DCHS2: variants seen among roughly 807,000 people sequenced by gnomAD.
DCHS2 encodes the protein dachsous cadherin-related 2, also known as protocadherin-23.
Under a neutral mutation model 182.4 loss-of-function variants are expected in DCHS2, and 142 were observed. The observed-to-expected ratio is 0.78, with a 90% CI of 0.68 to 0.89. The LOEUF (loss-of-function observed/expected upper bound fraction) is 0.89. DCHS2 is among the 40% of genes least tolerant of loss of function. The pLI is 0.00. For missense variants in DCHS2, 4,319 were observed against 4,198.6 expected, an observed-to-expected ratio of 1.03 and a Z score of -0.79; for synonymous variants, 1,740 against 1,663.3, an observed-to-expected ratio of 1.05 and a Z score of -1.12.
chr4:154,256,513 C>G (rs1732676355), intron 15 of DCHS2, among the ~76,000 whole-genome samples: 1 of 124,054 alleles, frequency 8.1e-6, no homozygotes, highest in Non-Finnish European at 1.8e-5. Context: ...AGATCCTAAT[C>G]ATGTATTTGA....
At chr4:154,479,074 G>T (rs1196282644) in intron 1 of DCHS2, among the ~76,000 whole-genome samples, 1 of 152,062 alleles carries the variant, frequency 6.6e-6, no homozygotes, top group Admixed American at 6.5e-5. Flanking sequence ...ATGAGGTAAA[G>T]GAAGACACTC....
chr4:154,236,529 T>C lies in DCHS2; in HGVS notation c.8123A>G (p.Asn2708Ser). The change falls in exon 20 of 20, where the codon AAT becomes AGT. Residue 2708 changes from asparagine (N) to serine (S), a missense_variant. By Grantham distance (46) the Asn-to-Ser change is conservative. Transcript: ENST00000357232. ...AEIIYNIISGNEKGHFYLEEN... is the reference protein window; with the variant it reads ...AEIIYNIISGSEKGHFYLEEN... Reference sequence around the variant, plus strand: ...TTCTAAGTAAAAATGTCCCTTCTCATTTCCAGAGATGATGTTGTAGATGAT... The same window carrying C: ...TTCTAAGTAAAAATGTCCCTTCTCACTTCCAGAGATGATGTTGTAGATGAT... The C allele has an allele frequency of 6.2e-7, 1 of 1,614,004 alleles. No homozygotes were observed. Among genetic ancestry groups the C allele is most frequent in the African/African-American group, 1.3e-5 (1 of 75,046 alleles).
rs141160700 is a variant in DCHS2 at position 154,382,803 on chromosome 4, T to C, written c.2053-5359A>G. 2.2e-3 allele frequency among the ~76,000 whole-genome samples: 328 copies of C among 152,236 alleles called. 2 individuals are homozygous for C. The highest frequency in any genetic ancestry group is 7.7e-3 in the African/African-American group (319 of 41,552). On this transcript the variant is annotated intron_variant, in intron 1 of 19. Transcript: ENST00000357232. ...AAATCAATACCACAATGAGATGTCA[T>C]CTTGCACCAGTCAGAATAGCTATTA...
At chr4:154,243,602 G>T (rs963533883) in intron 16 of DCHS2, among the ~76,000 whole-genome samples, 1 of 152,082 alleles carries the variant, frequency 6.6e-6, no homozygotes, top group Admixed American at 6.6e-5. Context: ...TGCTTTGTCT[G>T]GGAGTGAAGA....
At chr4:154,352,377 CG>C (rs1729661868) in intron 3 of DCHS2, 1 of 152,072 alleles carries the variant, frequency 6.6e-6, no homozygotes, top group South Asian at 2.1e-4. Context: ...CCCCTCTAAT[CG>C]CAGAAGGTGT....
chr4:154,470,394 A>C (rs1377134893), intron 1 of DCHS2, among the ~76,000 whole-genome samples: 5 of 151,998 alleles, frequency 3.3e-5, no homozygotes, highest in Non-Finnish European at 4.4e-5. Context: ...TGGCTGAGGC[A>C]GGAGGATCAC....
intron 1 of DCHS2, among the ~76,000 whole-genome samples, chr4:154,481,561 G>A (rs1032276398): frequency 6.6e-6 from 1 of 152,092 alleles, no homozygotes; most frequent in African/African-American, 2.4e-5. Context: ...CCAGCCTGAC[G>A]TTTCTTTTTC....
chr4:154,292,000 C>A (rs1375494115), intron 13 of DCHS2, among the ~76,000 whole-genome samples: 1 of 152,116 alleles, frequency 6.6e-6, no homozygotes, highest in Non-Finnish European at 1.5e-5. Context: ...GAGATGGATA[C>A]TCCATTTAGC....
intron 10 of DCHS2, among the ~76,000 whole-genome samples, chr4:154,310,878 T>TGGC (rs1388817027): frequency 4.6e-5 from 7 of 152,192 alleles, no homozygotes; most frequent in Non-Finnish European, 8.8e-5. Flanking sequence ...GACTAGGGAT[T>TGGC]GGCAAACTAC....
chr4:154,471,379 C>T (rs915711119), intron 1 of DCHS2, among the ~76,000 whole-genome samples: 23 of 152,162 alleles, frequency 1.5e-4, no homozygotes, highest in Admixed American at 2.0e-4. Context: ...TGATAATACC[C>T]TTTTCATATC....
intron 12 of DCHS2, 90 bp downstream of exon 12, chr4:154,304,578 GC>G: frequency 8.6e-7 from 1 of 1,164,588 alleles, no homozygotes; most frequent in East Asian, 2.5e-5. Context: ...GTTGCAGTGA[GC>G]CATCGCGCCA....
intron 10 of DCHS2, 33 bp from the exon 11 acceptor site, chr4:154,305,264 C>T: frequency 6.3e-7 from 1 of 1,592,398 alleles, no homozygotes. Context: ...ACTTAGCAAT[C>T]ATTTCTTTGA....
At chr4:154,344,056 A>G (rs1729242046) in intron 3 of DCHS2, among the ~76,000 whole-genome samples, 1 of 152,046 alleles carries the variant, frequency 6.6e-6, no homozygotes, top group Non-Finnish European at 1.5e-5. Context: ...AGAGAGAGAG[A>G]GACGGGAAAC....
chr4:154,486,493 T>G, intron 1 of DCHS2: 1 of 1,304,844 alleles, frequency 7.7e-7, no homozygotes, highest in Non-Finnish European at 1.0e-6. Flanking sequence ...TGTTTGATTT[T>G]GACAAAGGCA....
Position 154,329,681 on chromosome 4 carries a change from G to C in DCHS2, c.3760C>G (p.Arg1254Gly), listed in dbSNP as rs770120703. The C allele has an allele frequency of 6.2e-7, 1 of 1,611,984 alleles. No homozygotes were observed. The highest frequency in any genetic ancestry group is 1.1e-5 in the South Asian group (1 of 90,986). Residue 1254 changes from arginine to glycine, a missense_variant, in exon 6 of 20, where the codon CGT becomes GGT. Arg to Gly is a moderately radical substitution (Grantham distance 125). Coordinates refer to ENST00000357232, the MANE Select transcript of DCHS2 (RefSeq NM_001358235.2). Reference sequence around the variant, plus strand: ...ATCTCATGGTGCCCCCGGTGCTCACGATCCAGTGCCACCCAATTGATTAAC... The same window carrying C: ...ATCTCATGGTGCCCCCGGTGCTCACCATCCAGTGCCACCCAATTGATTAAC... ...GELINWVALD[R>G]EHRGHHEMTV... is the part of the protein sequence containing the mutation.
chr4:154,312,725 T>G (rs1210131507), intron 10 of DCHS2, among the ~76,000 whole-genome samples: 4 of 152,194 alleles, frequency 2.6e-5, no homozygotes, highest in Non-Finnish European at 5.9e-5. Flanking sequence ...TCCACTCGAA[T>G]GAGAAATTGT....
At chr4:154,461,155 C>T (rs1473818555) in intron 1 of DCHS2, among the ~76,000 whole-genome samples, 1 of 152,136 alleles carries the variant, frequency 6.6e-6, no homozygotes, top group African/African-American at 2.4e-5. Context: ...AGGCCCTGAC[C>T]CATACTAAGC....
chr4:154,297,708 A>G, intron 13 of DCHS2, 143 bp downstream of exon 13: 2 of 1,342,862 alleles, frequency 1.5e-6, no homozygotes, highest in Non-Finnish European at 2.0e-6. Context: ...CCACTTAACC[A>G]TGTTTATTCC....
In DCHS2 at chr4:154,235,516, C is replaced by T. The variant is rs903090049; in HGVS notation, c.9136G>A (p.Ala3046Thr). 6 of 1,614,078 alleles carry T rather than the reference C, an allele frequency of 3.7e-6. No homozygotes were observed. Among genetic ancestry groups the T allele is most frequent in the Admixed American group, 3.3e-5 (2 of 60,012 alleles). ...LDADLRVTRD[A>T]SVLKAFQKTD... ...TTCTGGAAGGCTTTGAGCACACTGG[C>T]ATCCCGGGTCACTCTCAAGTCCGCA... is the stretch of plus-strand genomic sequence containing the variant. Residue 3046 changes from alanine to threonine, a missense_variant, in exon 20 of 20, where the codon GCC becomes ACC. Ala to Thr is a moderately conservative substitution (Grantham distance 58). Transcript: ENST00000357232.
Sources: gnomAD v4.1 joint callset for allele counts (sites outside exome capture counted in the v4.1 genomes callset) on GRCh38, gnomAD v4.1.1 for gene constraint, MANE v1.5 for transcripts, NCBI Gene and HGNC (gene_info 2026-07-23, HGNC 2026-07-21) for gene names.